Variants in ZNF439 observed in about 807,000 individuals in gnomAD.
ZNF439 encodes zinc finger protein 439.
Under a neutral mutation model 47.3 loss-of-function variants are expected in ZNF439, and 40 were observed. That is an observed-to-expected ratio of 0.85 (90% confidence interval 0.66 to 1.10). The LOEUF (loss-of-function observed/expected upper bound fraction) is 1.10. Among genes scored for constraint, ZNF439 ranks in the 50% least tolerant of loss-of-function variants. The pLI, the probability that ZNF439 is intolerant of heterozygous loss-of-function variation, is 0.00. For missense variants in ZNF439, 556 were observed against 601.1 expected, an observed-to-expected ratio of 0.93 and a Z score of 0.78; for synonymous variants, 171 against 198.8, an observed-to-expected ratio of 0.86 and a Z score of 1.18.
chr19:11,854,011 G>A (rs56284195), intron 1 of ZNF439, among the ~76,000 whole-genome samples: 1,578 of 152,256 alleles, frequency 0.01, 22 homozygotes, highest in African/African-American at 0.037. Flanking sequence ...CAAAGGTCCC[G>A]TGGATGCTCA....
At position 11,867,417 on chromosome 19, in the gene ZNF439, T is replaced by C; in HGVS notation, c.363T>C (p.Pro121=). Residue 121 remains proline (P), a synonymous_variant, in exon 4 of 4, where the codon CCT becomes CCC. Transcript: ENST00000682736. The part of the protein sequence containing the change: ...RLNFQKKKAS[P]EVKSCDSFVC... Reference sequence around the variant, plus strand: ...ACTTCCAGAAGAAGAAAGCTTCTCCTGAAGTAAAATCATGTGACAGCTTTG... The same window carrying C: ...ACTTCCAGAAGAAGAAAGCTTCTCCCGAAGTAAAATCATGTGACAGCTTTG... The C allele has an allele frequency of 6.2e-7, 1 of 1,614,048 alleles. No homozygotes were observed. Among genetic ancestry groups the C allele is most frequent in the Non-Finnish European group, 8.5e-7 (1 of 1,179,920 alleles).
rs918276102 is a variant in ZNF439 at position 11,848,728 on chromosome 19, T to A, written c.-140T>A. 2.6e-6 allele frequency: 3 copies of A among 1,136,310 alleles called. No homozygotes were observed. The African/African-American group carries it at 5.0e-5, about 19-fold the overall frequency. The allele number at this position is 1,136,310 out of a possible 1,614,324, so 70.4% of individuals were successfully genotyped here. On this transcript the variant is annotated 5_prime_UTR_variant, in exon 1 of 4. Coordinates refer to ENST00000682736, the MANE Select transcript of ZNF439 (RefSeq NM_001348719.2). ...GGCACTGGCTCGGGGCCCTGCCCAC[T>A]GTGCATCCAGGCACGGAGGATGTTG...
chr19:11,851,868 T>G (rs1038008633), intron 1 of ZNF439, among the ~76,000 whole-genome samples: 3 of 152,124 alleles, frequency 2.0e-5, no homozygotes, highest in African/African-American at 7.2e-5. Context: ...GGCTTGTCTC[T>G]AGCTCCTGGC....
Position 11,868,514 on chromosome 19 carries a change from G to C in ZNF439, c.1460G>C (p.Arg487Pro). ...GKAFRYVQNF[R>P]FHERTQTHKN... ...GCCTTCAGATATGTCCAGAACTTTC[G>C]ATTTCATGAAAGGACACAAACACAT... The change falls in exon 4 of 4, where the codon CGA becomes CCA. Residue 487 changes from arginine (R) to proline (P), a missense_variant. Arg to Pro is a moderately radical substitution (Grantham distance 103, BLOSUM62 -2). Transcript: ENST00000682736. 1 of 1,608,458 alleles carries C rather than the reference G, an allele frequency of 6.2e-7. No homozygotes were observed. Among genetic ancestry groups the C allele is most frequent in the South Asian group, 1.1e-5 (1 of 90,702 alleles).
chr19:11,849,096 C>T (rs1326938058), intron 1 of ZNF439, 166 bp downstream of exon 1: 5 of 1,205,092 alleles, frequency 4.1e-6, no homozygotes, highest in Non-Finnish European at 3.1e-6. Context: ...GCAGCCGGGA[C>T]TCCGGGCGTC....
intron 1 of ZNF439, among the ~76,000 whole-genome samples, chr19:11,864,929 C>T (rs186802174): frequency 1.8e-3 from 273 of 151,886 alleles, no homozygotes; most frequent in Non-Finnish European, 3.3e-3. Flanking sequence ...TACAGGCATG[C>T]GCCACCATGC....
In ZNF439 at chr19:11,867,629, C is replaced by T. The variant is rs376378226; in HGVS notation, c.575C>T (p.Ala192Val). ...ERDHTGKKPY[A>V]CKECGKNIIY... ...GATCACACTGGAAAGAAACCCTATG[C>T]TTGTAAAGAATGTGGAAAAAACATT... The change falls in exon 4 of 4, where the codon GCT becomes GTT. Residue 192 changes from alanine to valine, a missense_variant. Coordinates refer to ENST00000682736, the MANE Select transcript of ZNF439 (RefSeq NM_001348719.2). 1 of 1,613,948 alleles carries T rather than the reference C, an allele frequency of 6.2e-7. No homozygotes were observed. The highest frequency in any genetic ancestry group is 1.3e-5 in the African/African-American group (1 of 74,902).
rs1976721477 is a variant in ZNF439 at position 11,867,519 on chromosome 19, T to C, written c.465T>C (p.Cys155=). The stretch of plus-strand genomic sequence containing the variant: ...ACACTGGACACAAGGCATGTGAATG[T>C]CAGGAATATGGACCAAAGCCATGGA... ...RGDTGHKACE[C]QEYGPKPWKS... Residue 155 remains cysteine, a synonymous_variant, in exon 4 of 4, where the codon TGT becomes TGC. Coordinates refer to ENST00000682736, the MANE Select transcript of ZNF439 (RefSeq NM_001348719.2). 6.8e-6 allele frequency: 11 copies of C among 1,614,152 alleles called. No individual in the cohort carries two copies. The East Asian group carries it at 2.2e-4, about 33-fold the overall frequency.
At chr19:11,860,294 A>G (rs1378126536) in intron 1 of ZNF439, among the ~76,000 whole-genome samples, 1 of 152,098 alleles carries the variant, frequency 6.6e-6, no homozygotes, top group Non-Finnish European at 1.5e-5. Flanking sequence ...ACAAAAAAAA[A>G]TTGTCTCTTG....
At position 11,859,371 on chromosome 19, in the gene ZNF439, A is replaced by G. The variant is rs532727057; in HGVS notation, c.64-6834A>G. ...TGAATAAGGGCCATTACCCAACAGCATATCCTCTGTAATGTCTCTATGTCC... is the reference window on the plus strand; with the variant it reads ...TGAATAAGGGCCATTACCCAACAGCGTATCCTCTGTAATGTCTCTATGTCC... On this transcript the variant is annotated intron_variant, in intron 1 of 3. Coordinates refer to ENST00000682736, the MANE Select transcript of ZNF439 (RefSeq NM_001348719.2). Among the ~76,000 whole-genome samples, 190 of 152,302 alleles carry G rather than the reference A, an allele frequency of 1.2e-3. 2 individuals are homozygous for G. The highest frequency in any genetic ancestry group is 3.7e-4 in the Non-Finnish European group (25 of 68,024).
At position 11,868,876 on chromosome 19, in the gene ZNF439, G is replaced by T. The variant is rs1423539476; in HGVS notation, c.*307G>T. 4 of 409,612 alleles carry T rather than the reference G, an allele frequency of 9.8e-6. No individual in the cohort carries two copies. Among genetic ancestry groups the T allele is most frequent in the Non-Finnish European group, 1.9e-5 (4 of 213,762 alleles). 25.4% of individuals were successfully genotyped at this position (409,612 alleles called of 1,614,324 possible). ...TTCTCTTCTTTTCAAATACATGAAA[G>T]TTGCACAGAGGAGAGGCGCCCTAAG... On this transcript the variant is annotated 3_prime_UTR_variant, in exon 4 of 4. Coordinates refer to ENST00000682736, the MANE Select transcript of ZNF439 (RefSeq NM_001348719.2).
intron 1 of ZNF439, chr19:11,850,084 T>A (rs1011750060): frequency 1.3e-5 from 2 of 152,264 alleles, no homozygotes; most frequent in Non-Finnish European, 2.9e-5. Flanking sequence ...TTGTTTTTGT[T>A]TTTGTTTGAG....
chr19:11,850,721 C>T (rs768377770), intron 1 of ZNF439: 10 of 152,062 alleles, frequency 6.6e-5, no homozygotes, highest in African/African-American at 1.7e-4. Flanking sequence ...AAGTGCAGTG[C>T]GAAGAGAGTT....
intron 1 of ZNF439, among the ~76,000 whole-genome samples, chr19:11,864,051 A>AC (rs1976609383): frequency 6.6e-6 from 1 of 152,118 alleles, no homozygotes; most frequent in African/African-American, 2.4e-5. Flanking sequence ...TCTTGCGATC[A>AC]TATGGAATCT....
intron 1 of ZNF439, among the ~76,000 whole-genome samples, chr19:11,861,939 A>G (rs754887310): frequency 2.0e-5 from 3 of 152,236 alleles, no homozygotes; most frequent in East Asian, 1.9e-4. Flanking sequence ...AACATAAAGG[A>G]GTATTGTGTC....
At chr19:11,855,117 G>T (rs1490590487) in intron 1 of ZNF439, among the ~76,000 whole-genome samples, 1 of 152,160 alleles carries the variant, frequency 6.6e-6, no homozygotes, top group Non-Finnish European at 1.5e-5. Flanking sequence ...AGCAATCTGG[G>T]CAGCAGACTG....
At chr19:11,863,834 T>G (rs1976603805) in intron 1 of ZNF439, among the ~76,000 whole-genome samples, 3 of 152,200 alleles carry the variant, frequency 2.0e-5, no homozygotes. Flanking sequence ...AATTCATTTC[T>G]TTGCATTTGC....
chr19:11,853,263 T>A (rs1976298728), intron 1 of ZNF439, among the ~76,000 whole-genome samples: 1 of 152,136 alleles, frequency 6.6e-6, no homozygotes, highest in Non-Finnish European at 1.5e-5. Flanking sequence ...TATTTCAATT[T>A]GATTTCAGGG....
chr19:11,849,091 C>G (rs900356284), intron 1 of ZNF439, 161 bp downstream of exon 1: 41 of 1,202,464 alleles, frequency 3.4e-5, no homozygotes, highest in Non-Finnish European at 4.3e-5. Context: ...GGCCGGCAGC[C>G]GGGACTCCGG....
Sources: gnomAD v4.1 joint callset for allele counts (sites outside exome capture counted in the v4.1 genomes callset) on GRCh38, gnomAD v4.1.1 for gene constraint, MANE v1.5 for transcripts, NCBI Gene and HGNC (gene_info 2026-07-23, HGNC 2026-07-21) for gene names.